Variants in CEP112 observed in about 807,000 individuals in gnomAD.
The protein encoded by CEP112 is centrosomal protein 112.
Under a neutral mutation model 153.0 loss-of-function variants are expected in CEP112, and 127 were observed. The ratio of observed to expected loss-of-function variants is 0.83; its 90% CI spans 0.72 to 0.96. The LOEUF is 0.96. CEP112 is among the 40% of genes least tolerant of loss of function. The probability of loss-of-function intolerance (pLI) is 0.00; values close to 1 mark genes in which losing one functional copy is unlikely to be tolerated. For synonymous variants in CEP112, 358 were observed against 374.4 expected (o/e 0.96, Z 0.51); for missense variants, 1,089 against 1,101.2 (o/e 0.99, Z 0.16).
intron 16 of CEP112, among the ~76,000 whole-genome samples, chr17:66,014,154 T>A (rs1373086): frequency 0.41 from 62,522 of 152,054 alleles, 14,326 homozygotes; most frequent in East Asian, 0.87. Flanking sequence ...GAGGATGGCC[T>A]TGGGTGAGTG....
At chr17:66,050,594 A>G (rs1374045699) in intron 12 of CEP112, among the ~76,000 whole-genome samples, 2 of 152,218 alleles carry the variant, frequency 1.3e-5, no homozygotes, top group Non-Finnish European at 2.9e-5. Context: ...GTATTATCAA[A>G]TATCTACAAA....
chr17:65,975,873 A>G (rs778284326), intron 17 of CEP112, among the ~76,000 whole-genome samples: 74 of 152,234 alleles, frequency 4.9e-4, no homozygotes, highest in Non-Finnish European at 1.0e-3. Flanking sequence ...CCAGGGAAGG[A>G]GAGAGAAAAA....
At chr17:65,645,693 T>G (rs778225890) in intron 24 of CEP112, among the ~76,000 whole-genome samples, 1 of 152,264 alleles carries the variant, frequency 6.6e-6, no homozygotes, top group African/African-American at 2.4e-5. Flanking sequence ...TGAAGAGCTG[T>G]TATAAAGAAC....
intron 16 of CEP112, among the ~76,000 whole-genome samples, chr17:66,022,848 T>C (rs2065056804): frequency 6.6e-6 from 1 of 151,706 alleles, no homozygotes; most frequent in Non-Finnish European, 1.5e-5. Context: ...TTTTAAAAAC[T>C]TGCCAATGAG....
At chr17:65,709,593 T>C (rs1387937695) in intron 23 of CEP112, among the ~76,000 whole-genome samples, 3 of 152,214 alleles carry the variant, frequency 2.0e-5, no homozygotes, top group East Asian at 1.9e-4. Context: ...GTGGGAATTA[T>C]AGGAGCTACA....
At position 66,171,601 on chromosome 17, in the gene CEP112, C is replaced by T. The variant is rs996529449; in HGVS notation, c.470+3443G>A. ...GAAATAAGACAGAACCATCAATAGT[C>T]GATTCACCACCAAATGTGATCTGAT... On this transcript the variant is annotated intron_variant, in intron 4 of 26. Coordinates refer to ENST00000535342, the MANE Select transcript of CEP112 (RefSeq NM_001199165.4). Among the ~76,000 whole-genome samples, 20 of 152,118 alleles carry T rather than the reference C, an allele frequency of 1.3e-4. 2 individuals are homozygous for T. The highest frequency in any genetic ancestry group is 1.2e-3 in the Admixed American group (18 of 15,274).
intron 17 of CEP112, among the ~76,000 whole-genome samples, chr17:65,972,360 C>G (rs1487578586): frequency 6.6e-6 from 1 of 151,974 alleles, no homozygotes; most frequent in Non-Finnish European, 1.5e-5. Context: ...AAACTGAAAA[C>G]AAATATCAAA....
intron 21 of CEP112, among the ~76,000 whole-genome samples, chr17:65,789,726 T>G (rs183358739): frequency 6.6e-6 from 1 of 151,940 alleles, no homozygotes; most frequent in African/African-American, 2.4e-5. Context: ...CCTCAAGAAA[T>G]CTCAGTTTGG....
rs144888486 is a variant in CEP112, at chr17:65,654,449, G to A, written c.2698-13384C>T. ...CCTCCATTCCCTGTTCATAGGAACC[G>A]TTCCACCGCAAGGGAGTGAAGCCTG... On this transcript the variant is annotated intron_variant, in intron 24 of 26. Coordinates refer to ENST00000535342, the MANE Select transcript of CEP112 (RefSeq NM_001199165.4). 1.7e-3 allele frequency among the ~76,000 whole-genome samples: 257 copies of A among 152,294 alleles called. 2 individuals are homozygous for A. Among genetic ancestry groups the A allele is most frequent in the African/African-American group, 3.0e-3 (126 of 41,550 alleles).
At chr17:66,075,588 T>C (rs1056128411) in intron 8 of CEP112, among the ~76,000 whole-genome samples, 5 of 152,136 alleles carry the variant, frequency 3.3e-5, no homozygotes, top group Admixed American at 6.5e-5. Flanking sequence ...AACCTAACCA[T>C]ATCGATCAGT....
At chr17:65,779,015 A>AT (rs72464619) in intron 21 of CEP112, among the ~76,000 whole-genome samples, 12 of 151,892 alleles carry the variant, frequency 7.9e-5, no homozygotes, top group African/African-American at 2.4e-4. Flanking sequence ...AAAAAAAGGC[A>AT]TTTTTTTGTC....
At chr17:66,096,950 G>A (rs1351297406) in intron 6 of CEP112, among the ~76,000 whole-genome samples, 1 of 152,064 alleles carries the variant, frequency 6.6e-6, no homozygotes, top group Non-Finnish European at 1.5e-5. Context: ...ACCAGAACAT[G>A]GCAGATGTTC....
At chr17:65,895,324 A>G (rs1460068401) in intron 20 of CEP112, among the ~76,000 whole-genome samples, 1 of 146,050 alleles carries the variant, frequency 6.8e-6, no homozygotes, top group African/African-American at 2.4e-5. Context: ...TGGAAAGCAC[A>G]CCATAAATAC....
chr17:66,141,394 A>G (rs2070691583), intron 4 of CEP112, among the ~76,000 whole-genome samples: 1 of 124,536 alleles, frequency 8.0e-6, no homozygotes, highest in South Asian at 2.3e-4. Flanking sequence ...TCTCTTTTTA[A>G]AATAGTTTTT....
chr17:65,860,014 CAA>C (rs1186022956), intron 20 of CEP112, among the ~76,000 whole-genome samples: 3 of 50,410 alleles, frequency 6.0e-5, no homozygotes, highest in African/African-American at 6.5e-5. Flanking sequence ...GACTCCATCT[CAA>C]AAAAAAAAAA....
intron 10 of CEP112, among the ~76,000 whole-genome samples, chr17:66,065,128 C>G (rs1315320315): frequency 2.0e-5 from 3 of 152,170 alleles, no homozygotes; most frequent in Non-Finnish European, 4.4e-5. Flanking sequence ...ATGATTCACT[C>G]TTAAAAACTT....
intron 23 of CEP112, among the ~76,000 whole-genome samples, chr17:65,715,427 C>G (rs1045693568): frequency 6.6e-6 from 1 of 151,976 alleles, no homozygotes; most frequent in African/African-American, 2.4e-5. Context: ...AAAGAAGAGG[C>G]AGCAAATGTA....
chr17:66,134,192 TA>T (rs1489138720), intron 4 of CEP112, among the ~76,000 whole-genome samples: 1 of 152,092 alleles, frequency 6.6e-6, no homozygotes, highest in South Asian at 2.1e-4. Context: ...ATTCTTCTCA[TA>T]AAAAAATACT....
At chr17:65,757,570 A>G (rs1464065989) in intron 21 of CEP112, among the ~76,000 whole-genome samples, 1 of 152,242 alleles carries the variant, frequency 6.6e-6, no homozygotes, top group Non-Finnish European at 1.5e-5. Flanking sequence ...CAGTCTGTAC[A>G]GAAGCACTTC....
Sources: gnomAD v4.1 joint callset for allele counts (sites outside exome capture counted in the v4.1 genomes callset) on GRCh38, gnomAD v4.1.1 for gene constraint, MANE v1.5 for transcripts, NCBI Gene and HGNC (gene_info 2026-07-23, HGNC 2026-07-21) for gene names.